Variants in NALCN observed in about 807,000 individuals in gnomAD.
The protein encoded by NALCN is sodium leak channel, non-selective, also known as sodium leak channel NALCN.
Under a neutral mutation model 225.3 loss-of-function variants are expected in NALCN, and 111 were observed. The observed-to-expected ratio is 0.49, with a 90% confidence interval of 0.42 to 0.58. NALCN has a LOEUF of 0.58. Among genes scored for constraint, NALCN ranks in the 20% least tolerant of loss-of-function variants. The pLI, the probability that NALCN is intolerant of heterozygous loss-of-function variation, is 0.00. For missense variants in NALCN, 1,378 were observed against 2,202.4 expected (o/e 0.63, Z 7.49); for synonymous variants, 764 against 769.0 (o/e 0.99, Z 0.11).
In NALCN at chr13:101,089,582, G is replaced by A. The variant is rs566450960; in HGVS notation, c.3489+81C>T. 56 of 1,258,058 alleles carry A rather than the reference G, an allele frequency of 4.5e-5. No homozygotes were observed. The Middle Eastern group carries it at 1.4e-3, about 30-fold the overall frequency. The allele number at this position is 1,258,058 out of a possible 1,614,324, so 77.9% of individuals were successfully genotyped here. The stretch of plus-strand genomic sequence containing the variant: ...TTACAGTTTAAAGCGGCTTCACGCC[G>A]CGTGTGAAAAGAAACAAATAGCTCA... On this transcript the variant is annotated intron_variant, in intron 30 of 43. Transcript: ENST00000251127. This position sits in a 1 kb window ranked among gnomAD's most constrained non-coding sequence, Gnocchi z 4.7.
intron 39 of NALCN, 81 bp downstream of exon 39, chr13:101,067,837 A>G: frequency 2.1e-6 from 2 of 971,204 alleles, no homozygotes; most frequent in South Asian, 2.8e-5. Flanking sequence ...TCATTTGCCA[A>G]CCTGAAAACC....
chr13:101,095,461 A>AT (rs2034451287), intron 28 of NALCN, 113 bp downstream of exon 28: 1 of 804,088 alleles, frequency 1.2e-6, no homozygotes, highest in African/African-American at 1.7e-5. Context: ...ACTTAAGATC[A>AT]TTTTAACATC....
rs2035020705 is a variant in NALCN, at chr13:101,104,965, ATATAT to A, written c.2580-20_2580-16del. On this transcript the variant is annotated splice_polypyrimidine_tract_variant and intron_variant, in intron 22 of 43. Transcript: ENST00000251127. This position sits in a 1 kb window ranked among gnomAD's most constrained non-coding sequence, Gnocchi z 4.2. ...CTGTTTTAGATCTGTAAGAGAACACATATATAAAATTCTGCAACAAAGCAAGCATG... is the reference window on the plus strand; with the variant it reads ...CTGTTTTAGATCTGTAAGAGAACACAAAAATTCTGCAACAAAGCAAGCATG... 1 of 1,609,516 alleles carries A rather than the reference ATATAT, an allele frequency of 6.2e-7. No individual in the cohort carries two copies. Among genetic ancestry groups the A allele is most frequent in the Non-Finnish European group, 8.5e-7 (1 of 1,177,120 alleles).
intron 17 of NALCN, among the ~76,000 whole-genome samples, chr13:101,136,483 T>A (rs979423945): frequency 1.5e-5 from 2 of 133,198 alleles, no homozygotes; most frequent in African/African-American, 5.5e-5. Flanking sequence ...GGTCCCAGTG[T>A]GTGATGTTCC....
chr13:101,351,382 G>T (rs1315845431), intron 6 of NALCN, among the ~76,000 whole-genome samples: 1 of 152,062 alleles, frequency 6.6e-6, no homozygotes, highest in Non-Finnish European at 1.5e-5. Context: ...ATGTTTGCTT[G>T]TTTGTTTTTA....
At position 101,264,656 on chromosome 13, in the gene NALCN, A is replaced by G. The variant is rs148551827; in HGVS notation, c.1135-6082T>C. On this transcript the variant is annotated intron_variant, in intron 10 of 43. Coordinates refer to ENST00000251127, the MANE Select transcript of NALCN (RefSeq NM_052867.4). ...GCACTGTTGTAGGGGATACTCCTTAATAGCAGGCTGCACTGGGTGACCTAT... is the reference window on the plus strand; with the variant it reads ...GCACTGTTGTAGGGGATACTCCTTAGTAGCAGGCTGCACTGGGTGACCTAT... 7.3e-3 allele frequency among the ~76,000 whole-genome samples: 1,105 copies of G among 152,276 alleles called. 10 individuals are homozygous for G. Among genetic ancestry groups the G allele is most frequent in the South Asian group, 0.027 (132 of 4,824 alleles).
At position 101,383,042 on chromosome 13, in the gene NALCN, C is replaced by A. The variant is rs556430515; in HGVS notation, c.292-4389G>T. Among the ~76,000 whole-genome samples the A allele has an allele frequency of 2.6e-5, 4 of 152,244 alleles. No homozygotes were observed. The South Asian group carries it at 8.3e-4, about 32-fold the overall frequency. Reference sequence around the variant, plus strand: ...ATAAGCAGAGTTATGACCCAAGATACAAAGGCCAGCAACCCTCAGCATTTT... The same window carrying A: ...ATAAGCAGAGTTATGACCCAAGATAAAAAGGCCAGCAACCCTCAGCATTTT... On this transcript the variant is annotated intron_variant, in intron 3 of 43. Transcript: ENST00000251127.
At chr13:101,197,263 G>C (rs560738101) in intron 13 of NALCN, among the ~76,000 whole-genome samples, 1 of 152,134 alleles carries the variant, frequency 6.6e-6, no homozygotes, top group African/African-American at 2.4e-5. Flanking sequence ...GATGAGCCTA[G>C]AATATTCATG....
rs533722504 is a variant in NALCN, at chr13:101,336,114, T to C, written c.799+9152A>G. ...TTATTTCAAAGTCAAGCAAATCCTG[T>C]GTTAAAACTAAAACACTGGACCCGT... is the stretch of plus-strand genomic sequence containing the variant. On this transcript the variant is annotated intron_variant, in intron 7 of 43. Coordinates refer to ENST00000251127, the MANE Select transcript of NALCN (RefSeq NM_052867.4). 4.6e-5 allele frequency among the ~76,000 whole-genome samples: 7 copies of C among 152,304 alleles called. No individual in the cohort carries two copies. The East Asian group carries it at 9.6e-4, about 21-fold the overall frequency.
intron 13 of NALCN, among the ~76,000 whole-genome samples, chr13:101,222,208 C>G (rs1299703277): frequency 6.6e-6 from 1 of 152,132 alleles, no homozygotes; most frequent in East Asian, 1.9e-4. Flanking sequence ...GCCACAGCCT[C>G]TCTAATTATC....
intron 1 of NALCN, among the ~76,000 whole-genome samples, chr13:101,408,280 G>T (rs796536367): frequency 6.6e-6 from 1 of 152,096 alleles, no homozygotes; most frequent in East Asian, 1.9e-4. Context: ...GACTTACAAT[G>T]CCAGTCCTTC....
Position 101,092,577 on chromosome 13 carries a change from G to T in NALCN, c.3270-2611C>A, listed in dbSNP as rs538998249. ...TTGGTTGTCCTTCAAAAGGTAACCA[G>T]TGTGTCTTCTCATCTGGTCCTTCTC... On this transcript the variant is annotated intron_variant, in intron 28 of 43. Coordinates refer to ENST00000251127, the MANE Select transcript of NALCN (RefSeq NM_052867.4). Among the ~76,000 whole-genome samples, 9 of 152,314 alleles carry T rather than the reference G, an allele frequency of 5.9e-5. No individual in the cohort carries two copies. The East Asian group carries it at 1.7e-3, about 29-fold the overall frequency.
intron 10 of NALCN, among the ~76,000 whole-genome samples, chr13:101,278,549 AT>A (rs900335726): frequency 2.0e-5 from 3 of 149,500 alleles, no homozygotes; most frequent in Non-Finnish European, 3.0e-5. Flanking sequence ...AAAAAAAAGA[AT>A]GAGTTTGGGT....
At chr13:101,072,698 C>G (rs890467360) in intron 37 of NALCN, among the ~76,000 whole-genome samples, 3 of 152,188 alleles carry the variant, frequency 2.0e-5, no homozygotes, top group Non-Finnish European at 2.9e-5. Flanking sequence ...ATAGGCGGCC[C>G]TATCTCTTCT....
chr13:101,130,466 C>A (rs1331801900), intron 17 of NALCN, among the ~76,000 whole-genome samples: 1 of 151,942 alleles, frequency 6.6e-6, no homozygotes, highest in Non-Finnish European at 1.5e-5. Flanking sequence ...TTTAAGAGTC[C>A]CTTTTGGAGT....
intron 43 of NALCN, among the ~76,000 whole-genome samples, chr13:101,055,694 G>A (rs1251128578): frequency 6.6e-6 from 1 of 151,690 alleles, no homozygotes; most frequent in African/African-American, 2.4e-5. Flanking sequence ...AACTAATGAT[G>A]TCATTTGGGA....
chr13:101,065,584 T>A (rs373199166), intron 39 of NALCN, 23 bp from the exon 40 acceptor site: 7 of 1,608,376 alleles, frequency 4.4e-6, no homozygotes, highest in Non-Finnish European at 5.9e-6. Flanking sequence ...GCACAAGAAG[T>A]AGCAAATCAT....
At position 101,067,992 on chromosome 13, in the gene NALCN, C is replaced by A; in HGVS notation, c.4372G>T (p.Glu1458Ter). 1 of 1,612,082 alleles carries A rather than the reference C, an allele frequency of 6.2e-7. No homozygotes were observed. The highest frequency in any genetic ancestry group is 8.5e-7 in the Non-Finnish European group (1 of 1,179,524). Residue 1458 changes from glutamate to a stop codon, truncating the protein, a stop_gained, in exon 39 of 44, where the codon GAG (glutamate) becomes TAG (stop). Transcript: ENST00000251127. LOFTEE classifies it high-confidence loss of function. Reference protein sequence around the residue: ...ENFSLFYSTEEDQLLSYNDLR... With the variant: ...ENFSLFYSTE Reference sequence around the variant, plus strand: ...TCATTGTAACTTAAAAGCTGGTCCTCCTCAGTGGAATAAAACAAGGAGAAA... The same window carrying A: ...TCATTGTAACTTAAAAGCTGGTCCTACTCAGTGGAATAAAACAAGGAGAAA...
chr13:101,225,654 G>T (rs1490846589), intron 13 of NALCN, among the ~76,000 whole-genome samples: 1 of 152,168 alleles, frequency 6.6e-6, no homozygotes, highest in Non-Finnish European at 1.5e-5. Flanking sequence ...CTGAAAAAGG[G>T]GGTCTCTGCC....
Sources: gnomAD v4.1 joint callset for allele counts (sites outside exome capture counted in the v4.1 genomes callset) on GRCh38, gnomAD v4.1.1 for gene constraint, Gnocchi (gnomAD v3.1) non-coding constraint, MANE v1.5 for transcripts, NCBI Gene and HGNC (gene_info 2026-07-23, HGNC 2026-07-21) for gene names.